The following MYO18B variants were observed in gnomAD, a reference collection of about 807,000 sequenced individuals.
MYO18B encodes the protein unconventional myosin-XVIIIb.
A neutral mutation model predicts 273.0 loss-of-function variants in MYO18B; 204 were observed. The ratio of observed to expected loss-of-function variants is 0.75; its 90% CI spans 0.67 to 0.84. The LOEUF is 0.84. Ranked by LOEUF, MYO18B falls within the 40% of genes least tolerant of loss-of-function variation. The pLI, the probability that MYO18B is intolerant of heterozygous loss-of-function variation, is 0.00. For synonymous variants in MYO18B, 1,330 were observed against 1,305.7 expected (o/e 1.02, Z -0.40); for missense variants, 3,212 against 3,287.6 (o/e 0.98, Z 0.56).
chr22:26,049,544 G>A, the MYO18B span, among the ~76,000 whole-genome samples: 2 of 152,170 alleles, frequency 1.3e-5, no homozygotes, highest in Non-Finnish European at 2.9e-5. Context: ...GGAGATAAGA[G>A]GTGATGGTTA....
intron 40 of MYO18B, among the ~76,000 whole-genome samples, chr22:25,992,924 G>C (rs917779361): frequency 6.6e-6 from 1 of 152,220 alleles, no homozygotes; most frequent in African/African-American, 2.4e-5. Flanking sequence ...TAGGGCTGTT[G>C]TTGAGAGTTA....
intron 42 of MYO18B, among the ~76,000 whole-genome samples, chr22:26,024,172 ATAG>A (rs1415563056): frequency 2.6e-5 from 4 of 152,218 alleles, no homozygotes; most frequent in African/African-American, 7.2e-5. Context: ...CAGAAATTAA[ATAG>A]TAGTAATATT....
chr22:26,052,662 G>A, the MYO18B span, among the ~76,000 whole-genome samples: 1 of 152,186 alleles, frequency 6.6e-6, no homozygotes, highest in Non-Finnish European at 1.5e-5. Context: ...GCAGCTTGCT[G>A]AGTTTTTGAT....
chr22:25,950,575 G>C, intron 37 of MYO18B, 125 bp downstream of exon 37: 3 of 422,182 alleles, frequency 7.1e-6, no homozygotes, highest in Non-Finnish European at 1.1e-5. Context: ...TTGTTTATTT[G>C]TTTATTTATT....
intron 1 of MYO18B, among the ~76,000 whole-genome samples, chr22:25,755,579 G>A (rs1041922425): frequency 4.6e-5 from 7 of 152,186 alleles, no homozygotes; most frequent in African/African-American, 1.4e-4. Flanking sequence ...TCATGTTGAC[G>A]TGTCATCCGC....
At chr22:25,876,422 T>G in intron 24 of MYO18B, 90 bp downstream of exon 24, 1 of 1,374,086 alleles carries the variant, frequency 7.3e-7, no homozygotes, top group South Asian at 1.5e-5. Context: ...CCCCTATTCC[T>G]GAATGTTCTT....
At chr22:25,752,171 A>C (rs1164018532) in intron 1 of MYO18B, among the ~76,000 whole-genome samples, 2 of 149,694 alleles carry the variant, frequency 1.3e-5, no homozygotes, top group African/African-American at 2.5e-5. Context: ...ACAAATATTT[A>C]ACTTTTATTT....
chr22:25,789,625 G>A (rs940196312), intron 11 of MYO18B, among the ~76,000 whole-genome samples: 1 of 92,244 alleles, frequency 1.1e-5, no homozygotes, highest in Admixed American at 1.4e-4. Context: ...GACAGAGCGA[G>A]ACTGTCTCAA....
At chr22:25,743,336 T>C (rs1185936463) in intron 1 of MYO18B, among the ~76,000 whole-genome samples, 1 of 152,250 alleles carries the variant, frequency 6.6e-6, no homozygotes, top group Non-Finnish European at 1.5e-5. Flanking sequence ...TATCCATTGC[T>C]GACCTAAGTT....
Position 25,871,696 on chromosome 22 carries a change from A to G in MYO18B, c.3952-2590A>G, listed in dbSNP as rs886619520. Among the ~76,000 whole-genome samples the G allele has an allele frequency of 3.9e-5, 6 of 152,304 alleles. No homozygotes were observed. In the East Asian group the frequency reaches 7.7e-4, roughly 20 times the overall value. ...TTTTTCAGCCTCTGGCGCCTTATCAAGGCTTGTGCTGAGGGCCATGGCATT... is the reference window on the plus strand; with the variant it reads ...TTTTTCAGCCTCTGGCGCCTTATCAGGGCTTGTGCTGAGGGCCATGGCATT... On this transcript the variant is annotated intron_variant, in intron 22 of 43. Transcript: ENST00000335473.
rs140907213 is a variant in MYO18B at position 26,025,571 on chromosome 22, T to TCTGA, written c.6471-872_6471-869dup. 4.8e-3 allele frequency among the ~76,000 whole-genome samples: 735 copies of TCTGA among 152,300 alleles called. 16 individuals carry two copies. The East Asian group carries it at 0.069, about 14-fold the overall frequency. On this transcript the variant is annotated intron_variant, in intron 42 of 43. Coordinates refer to ENST00000335473, the MANE Select transcript of MYO18B (RefSeq NM_032608.7). ...GTGGCTTTATCTGCAGTGCCAACAC[T>TCTGA]CTGACATTTGGCAACTTTTTTACTT...
intron 39 of MYO18B, among the ~76,000 whole-genome samples, chr22:25,991,912 C>G (rs926240542): frequency 1.2e-5 from 1 of 82,084 alleles, no homozygotes; most frequent in African/African-American, 8.3e-5. Flanking sequence ...AGGGGACAGA[C>G]TTGAAACTAT....
chr22:25,798,758 G>T (rs1270373523), intron 12 of MYO18B, among the ~76,000 whole-genome samples: 1 of 151,918 alleles, frequency 6.6e-6, no homozygotes, highest in African/African-American at 2.4e-5. Context: ...GTAGATAGGG[G>T]TCTCACTTTT....
At chr22:25,957,017 G>A (rs1235986927) in intron 39 of MYO18B, among the ~76,000 whole-genome samples, 3 of 152,122 alleles carry the variant, frequency 2.0e-5, no homozygotes, top group Non-Finnish European at 4.4e-5. Context: ...CCTGACTGGC[G>A]GTTCCTCCAC....
At chr22:25,832,811 G>T in intron 15 of MYO18B, 106 bp from the exon 16 acceptor site, 1 of 927,646 alleles carries the variant, frequency 1.1e-6, no homozygotes. Context: ...TTTTTTTAAA[G>T]GGCCAAGAGG....
intron 29 of MYO18B, among the ~76,000 whole-genome samples, chr22:25,901,793 G>A (rs1313684146): frequency 6.7e-6 from 1 of 148,254 alleles, no homozygotes; most frequent in African/African-American, 2.5e-5. Flanking sequence ...AGATAGATCA[G>A]GTTTTTGGGT....
At position 25,963,178 on chromosome 22, in the gene MYO18B, T is replaced by TCTCTCTCA. The variant is rs774304270; in HGVS notation, c.6156+7815_6156+7816insTCTCTCAC. Among the ~76,000 whole-genome samples, 114 of 144,168 alleles carry TCTCTCTCA rather than the reference T, an allele frequency of 7.9e-4. 2 individuals are homozygous for TCTCTCTCA. The highest frequency in any genetic ancestry group is 2.2e-3 in the African/African-American group (83 of 38,520). 94.6% of individuals were successfully genotyped at this position (144,168 alleles called of 152,430 possible). On this transcript the variant is annotated intron_variant, in intron 39 of 43. Transcript: ENST00000335473. ...TCTTTCTCCTCTCTCTCTCTCTCTC[T>TCTCTCTCA]CACACACACACACACACACACACAC...
chr22:25,746,547 G>A (rs1601578971), intron 1 of MYO18B, among the ~76,000 whole-genome samples: 1 of 152,276 alleles, frequency 6.6e-6, no homozygotes, highest in East Asian at 1.9e-4. Context: ...CTCTCCAGTT[G>A]TGACAACCCA....
At chr22:25,832,615 A>C (rs1157878973) in intron 15 of MYO18B, among the ~76,000 whole-genome samples, 1 of 152,174 alleles carries the variant, frequency 6.6e-6, no homozygotes, top group Non-Finnish European at 1.5e-5. Flanking sequence ...GGGAGAAGGA[A>C]ATAGGGAGTT....
Sources: gnomAD v4.1 joint callset for allele counts (sites outside exome capture counted in the v4.1 genomes callset) on GRCh38, gnomAD v4.1.1 for gene constraint, MANE v1.5 for transcripts, NCBI Gene and HGNC (gene_info 2026-07-23, HGNC 2026-07-21) for gene names.